LRP1B: variants seen among roughly 807,000 people sequenced by gnomAD.
LRP1B encodes low-density lipoprotein receptor-related protein 1B.
LRP1B carries 217 observed loss-of-function variants against 556.6 expected under a neutral mutation model. The ratio of observed to expected loss-of-function variants is 0.39; its 90% CI spans 0.35 to 0.44. LRP1B has a LOEUF of 0.44. LRP1B is among the 20% of genes least tolerant of loss of function. The pLI, the probability that LRP1B is intolerant of heterozygous loss-of-function variation, is 1.00. For synonymous variants in LRP1B, 2,047 were observed against 1,865.8 expected (o/e 1.10, Z -2.50); for missense variants, 5,053 against 5,620.8 (o/e 0.90, Z 3.23).
At position 140,776,041 on chromosome 2, in the gene LRP1B, T is replaced by C. The variant is rs138303563; in HGVS notation, c.5500+57A>G. ...TTATTGTTGAATTGAGGAGCTAATA[T>C]AAAAAAGAGCACATTACGTATTCAA... On this transcript the variant is annotated intron_variant, in intron 33 of 90. Transcript: ENST00000389484. The C allele has an allele frequency of 7.7e-4, 1,053 of 1,362,666 alleles. 3 individuals are homozygous for C. The African/African-American group carries it at 0.014, about 18-fold the overall frequency. 84.4% of individuals were successfully genotyped at this position (1,362,666 alleles called of 1,614,324 possible).
chr2:140,657,328 A>G (rs1466460774), intron 41 of LRP1B, among the ~76,000 whole-genome samples: 1 of 151,928 alleles, frequency 6.6e-6, no homozygotes, highest in Non-Finnish European at 1.5e-5. Context: ...TAACTGCCCT[A>G]TTGAGAAAAG....
intron 79 of LRP1B, among the ~76,000 whole-genome samples, chr2:140,332,512 T>C (rs911858203): frequency 2.6e-5 from 4 of 152,080 alleles, no homozygotes; most frequent in African/African-American, 9.6e-5. Flanking sequence ...TCCTCACTGG[T>C]GCTTTTGTAG....
intron 2 of LRP1B, among the ~76,000 whole-genome samples, chr2:141,502,250 A>G (rs986307237): frequency 6.6e-6 from 1 of 152,168 alleles, no homozygotes; most frequent in Non-Finnish European, 1.5e-5. Flanking sequence ...GGGACAAGAG[A>G]ATATTTTTAG....
chr2:141,316,262 C>G (rs1430181458), intron 3 of LRP1B, among the ~76,000 whole-genome samples: 1 of 152,098 alleles, frequency 6.6e-6, no homozygotes, highest in African/African-American at 2.4e-5. Context: ...ATACATTTGT[C>G]TTTTCAAATT....
intron 2 of LRP1B, among the ~76,000 whole-genome samples, chr2:141,611,326 G>A (rs1688102123): frequency 2.0e-5 from 3 of 152,158 alleles, no homozygotes; most frequent in African/African-American, 7.2e-5. Context: ...CAGACAAGCT[G>A]CTTAATTTGA....
At chr2:140,303,786 C>CT in intron 83 of LRP1B, among the ~76,000 whole-genome samples, 1 of 146,028 alleles carries the variant, frequency 6.8e-6, no homozygotes, top group African/African-American at 2.5e-5. Flanking sequence ...TTAGGTATAT[C>CT]TCCTAATCCT....
chr2:141,624,055 A>AAAGAG (rs1688614663), intron 2 of LRP1B, among the ~76,000 whole-genome samples: 1 of 150,414 alleles, frequency 6.6e-6, no homozygotes, highest in African/African-American at 2.4e-5. Flanking sequence ...AAAGAAAAGA[A>AAAGAG]AAAAAACAAG....
rs910674584 is a variant in LRP1B at position 141,012,540 on chromosome 2, C to T, written c.2380+1016G>A. Among the ~76,000 whole-genome samples the T allele has an allele frequency of 2.6e-5, 4 of 151,926 alleles. No individual in the cohort carries two copies. The East Asian group carries it at 7.8e-4, about 30-fold the overall frequency. ...TTCTTGTCCATAGCTATGGCTTGTG[C>T]CATCCAAATAATTTAAGTTTTATTC... On this transcript the variant is annotated intron_variant, in intron 14 of 90. Coordinates refer to ENST00000389484, the MANE Select transcript of LRP1B (RefSeq NM_018557.3).
At chr2:141,043,541 T>A (rs912788425) in intron 11 of LRP1B, among the ~76,000 whole-genome samples, 1 of 151,876 alleles carries the variant, frequency 6.6e-6, no homozygotes, top group African/African-American at 2.4e-5. Flanking sequence ...GAAACTACAG[T>A]TTTTCTGTTA....
At chr2:141,270,457 G>T (rs1199447651) in intron 3 of LRP1B, among the ~76,000 whole-genome samples, 1 of 151,918 alleles carries the variant, frequency 6.6e-6, no homozygotes, top group Non-Finnish European at 1.5e-5. Context: ...TTCAAACTAT[G>T]GTCTCAAAGA....
In LRP1B at chr2:141,306,019, A is replaced by G. The variant is rs182426079; in HGVS notation, c.344-51378T>C. Among the ~76,000 whole-genome samples, 11 of 152,180 alleles carry G rather than the reference A, an allele frequency of 7.2e-5. No individual in the cohort carries two copies. In the East Asian group the frequency reaches 2.1e-3, roughly 29 times the overall value. ...TATTTAGTAGAGGAATTTTGTGTCT[A>G]TGTTTTTTAGGAATTGGCCTGTAGT... On this transcript the variant is annotated intron_variant, in intron 3 of 90. Coordinates refer to ENST00000389484, the MANE Select transcript of LRP1B (RefSeq NM_018557.3).
At chr2:141,093,761 C>T (rs1441105933) in intron 7 of LRP1B, among the ~76,000 whole-genome samples, 4 of 152,050 alleles carry the variant, frequency 2.6e-5, no homozygotes, top group Non-Finnish European at 5.9e-5. Context: ...GTCGTCCAGG[C>T]TGGAGTGCAG....
chr2:140,973,051 T>TA (rs1558774257), intron 18 of LRP1B, among the ~76,000 whole-genome samples: 6 of 36,114 alleles, frequency 1.7e-4, no homozygotes, highest in Non-Finnish European at 3.5e-4. Flanking sequence ...TATATTTCAT[T>TA]TTATATATAT....
At chr2:141,026,205 T>G (rs562379908) in intron 11 of LRP1B, among the ~76,000 whole-genome samples, 1 of 152,098 alleles carries the variant, frequency 6.6e-6, no homozygotes, top group African/African-American at 2.4e-5. Context: ...ATTTCATCAA[T>G]AGTAAATTAT....
In LRP1B at chr2:140,411,209, A is replaced by C. The variant is rs1573906333; in HGVS notation, c.10415-25200T>G. 2.0e-5 allele frequency among the ~76,000 whole-genome samples: 3 copies of C among 152,288 alleles called. No homozygotes were observed. In the South Asian group the frequency reaches 6.2e-4, roughly 32 times the overall value. ...GAAAACAACTTTATATAAGACTTCTACATCTGAATGAGAACATATTTTATT... is the reference window on the plus strand; with the variant it reads ...GAAAACAACTTTATATAAGACTTCTCCATCTGAATGAGAACATATTTTATT... On this transcript the variant is annotated intron_variant, in intron 66 of 90. Coordinates refer to ENST00000389484, the MANE Select transcript of LRP1B (RefSeq NM_018557.3).
intron 1 of LRP1B, among the ~76,000 whole-genome samples, chr2:141,943,830 T>A (rs1051472238): frequency 3.3e-5 from 5 of 151,504 alleles, no homozygotes; most frequent in African/African-American, 1.2e-4. Flanking sequence ...CGGGTTCTTG[T>A]CACACGACCA....
intron 2 of LRP1B, among the ~76,000 whole-genome samples, chr2:141,764,075 G>A (rs981073990): frequency 1.3e-5 from 2 of 152,068 alleles, no homozygotes; most frequent in African/African-American, 2.4e-5. Flanking sequence ...CCGAAAATTC[G>A]GATGTTGAAG....
At chr2:141,190,421 C>T (rs1487215370) in intron 6 of LRP1B, among the ~76,000 whole-genome samples, 4 of 151,870 alleles carry the variant, frequency 2.6e-5, no homozygotes, top group Non-Finnish European at 5.9e-5. Context: ...GCTTATCTGT[C>T]TTGACTTGAG....
At chr2:140,293,862 G>A (rs994964373) in intron 84 of LRP1B, among the ~76,000 whole-genome samples, 4 of 151,948 alleles carry the variant, frequency 2.6e-5, no homozygotes, top group African/African-American at 7.3e-5. Context: ...TTACTACTTC[G>A]GGACCTTGAG....
Sources: gnomAD v4.1 joint callset for allele counts (sites outside exome capture counted in the v4.1 genomes callset) on GRCh38, gnomAD v4.1.1 for gene constraint, MANE v1.5 for transcripts, NCBI Gene and HGNC (gene_info 2026-07-23, HGNC 2026-07-21) for gene names.